DSCAML1: variants seen among roughly 807,000 people sequenced by gnomAD.
DSCAML1 encodes cell adhesion molecule DSCAML1.
A neutral mutation model predicts 200.5 loss-of-function variants in DSCAML1; 38 were observed. The observed-to-expected ratio is 0.19, with a 90% CI of 0.15 to 0.25. DSCAML1 has a LOEUF of 0.25. DSCAML1 is among the 10% of genes least tolerant of loss of function. The probability of loss-of-function intolerance (pLI) is 1.00; values close to 1 mark genes in which losing one functional copy is unlikely to be tolerated. For missense variants in DSCAML1, 2,223 were observed against 2,858.8 expected, an observed-to-expected ratio of 0.78 and a Z score of 5.07; for synonymous variants, 1,215 against 1,165.0, an observed-to-expected ratio of 1.04 and a Z score of -0.87.
chr11:117,728,310 CCT>C (rs1332803889), intron 3 of DSCAML1, among the ~76,000 whole-genome samples: 2 of 152,172 alleles, frequency 1.3e-5, no homozygotes, highest in Non-Finnish European at 2.9e-5. Context: ...CTGTGATAAA[CCT>C]CTAGCTAACA....
At chr11:117,809,152 G>C (rs1263332490) in intron 1 of DSCAML1, among the ~76,000 whole-genome samples, 3 of 152,270 alleles carry the variant, frequency 2.0e-5, no homozygotes, top group Admixed American at 2.0e-4. Context: ...CTCAGATTTA[G>C]GAGAGGCGAC....
At chr11:117,433,551 A>T in intron 27 of DSCAML1, 80 bp from the exon 28 acceptor site, 1 of 1,502,308 alleles carries the variant, frequency 6.7e-7, no homozygotes, top group Non-Finnish European at 9.1e-7. Context: ...CATGGGAAAC[A>T]AGGTGGAGAA....
intron 3 of DSCAML1, among the ~76,000 whole-genome samples, chr11:117,705,242 G>A: frequency 6.6e-6 from 1 of 152,178 alleles, no homozygotes; most frequent in East Asian, 1.9e-4. Flanking sequence ...GGTTACAGAG[G>A]CCGGGTAGTG....
chr11:117,739,168 G>T (rs2054377443), intron 3 of DSCAML1, among the ~76,000 whole-genome samples: 1 of 152,314 alleles, frequency 6.6e-6, no homozygotes, highest in South Asian at 2.1e-4. Flanking sequence ...GAGAAGATAT[G>T]CCTATATTAA....
At chr11:117,476,677 T>C (rs754746550) in intron 14 of DSCAML1, among the ~76,000 whole-genome samples, 3 of 152,220 alleles carry the variant, frequency 2.0e-5, no homozygotes, top group Non-Finnish European at 4.4e-5. Context: ...CGCCATCTGA[T>C]AGATTTGCGT....
chr11:117,684,067 T>A (rs1241649803), intron 3 of DSCAML1, among the ~76,000 whole-genome samples: 1 of 152,104 alleles, frequency 6.6e-6, no homozygotes, highest in Non-Finnish European at 1.5e-5. Context: ...AGGAATAAAC[T>A]CTTAGGAGGA....
chr11:117,797,668 C>G (rs1765912418), upstream of DSCAML1, among the ~76,000 whole-genome samples: 1 of 151,492 alleles, frequency 6.6e-6, no homozygotes, highest in Non-Finnish European at 1.5e-5. Flanking sequence ...GGTGCTACTC[C>G]CCACCCCAAA....
At chr11:117,609,280 C>T (rs1378671116) in intron 3 of DSCAML1, among the ~76,000 whole-genome samples, 2 of 144,290 alleles carry the variant, frequency 1.4e-5, no homozygotes, top group East Asian at 2.1e-4. Context: ...TTACTAGAGA[C>T]GTTGATTTTC....
At chr11:117,624,631 G>A (rs922431065) in intron 3 of DSCAML1, among the ~76,000 whole-genome samples, 1 of 151,966 alleles carries the variant, frequency 6.6e-6, no homozygotes, top group African/African-American at 2.4e-5. Context: ...TCATCACCTG[G>A]CCCTTTAACT....
At chr11:117,565,963 T>TGTCA (rs944820189) in intron 3 of DSCAML1, among the ~76,000 whole-genome samples, 1 of 152,198 alleles carries the variant, frequency 6.6e-6, no homozygotes, top group African/African-American at 2.4e-5. Context: ...CCTCCCTCAC[T>TGTCA]GTCATCTCCG....
At chr11:117,603,644 T>C (rs1338740633) in intron 3 of DSCAML1, among the ~76,000 whole-genome samples, 1 of 152,224 alleles carries the variant, frequency 6.6e-6, no homozygotes, top group African/African-American at 2.4e-5. Context: ...TATAGCAGAA[T>C]TCATTCTGAA....
chr11:117,467,662 C>A (rs1036658747), intron 16 of DSCAML1, among the ~76,000 whole-genome samples: 1 of 152,054 alleles, frequency 6.6e-6, no homozygotes, highest in African/African-American at 2.4e-5. Context: ...CTCTTTGTTG[C>A]TGCTTGAATG....
At chr11:117,735,918 C>A (rs1337953244) in intron 3 of DSCAML1, among the ~76,000 whole-genome samples, 1 of 152,208 alleles carries the variant, frequency 6.6e-6, no homozygotes, top group Non-Finnish European at 1.5e-5. Context: ...GGCAACCATG[C>A]AGAGCCACAG....
intron 8 of DSCAML1, among the ~76,000 whole-genome samples, chr11:117,512,851 C>T (rs1235920538): frequency 6.6e-6 from 1 of 151,836 alleles, no homozygotes; most frequent in Non-Finnish European, 1.5e-5. Context: ...TGCAGAGACA[C>T]TGTCGCTCAG....
intron 1 of DSCAML1, among the ~76,000 whole-genome samples, chr11:117,786,448 A>G (rs1234985943): frequency 6.6e-6 from 1 of 152,188 alleles, no homozygotes. Context: ...GCCTGCCCCC[A>G]GGGTCACCGC....
chr11:117,641,477 C>A (rs1267778738), intron 3 of DSCAML1, among the ~76,000 whole-genome samples: 1 of 152,260 alleles, frequency 6.6e-6, no homozygotes, highest in Non-Finnish European at 1.5e-5. Flanking sequence ...GATGCGCACA[C>A]TGCCTGCACA....
At chr11:117,538,756 C>T (rs1169463316) in intron 3 of DSCAML1, among the ~76,000 whole-genome samples, 1 of 140,146 alleles carries the variant, frequency 7.1e-6, no homozygotes, top group Non-Finnish European at 1.5e-5. Flanking sequence ...CCTGGCTGCT[C>T]TGCTCTCAGG....
intron 3 of DSCAML1, among the ~76,000 whole-genome samples, chr11:117,566,553 G>A (rs12291001): frequency 6.2e-5 from 4 of 64,850 alleles, no homozygotes; most frequent in Admixed American, 4.0e-4. Flanking sequence ...TTTTGCCTTG[G>A]TTTTTTTTTT....
intron 3 of DSCAML1, among the ~76,000 whole-genome samples, chr11:117,765,128 T>C (rs546439090): frequency 2.0e-5 from 3 of 152,336 alleles, no homozygotes; most frequent in Admixed American, 2.0e-4. Context: ...TCACTAAGTG[T>C]GAGAGGAAAC....
Sources: allele counts gnomAD v4.1 joint callset (sites outside exome capture counted in the v4.1 genomes callset), GRCh38; gene constraint gnomAD v4.1.1; transcripts MANE v1.5; gene names NCBI Gene and HGNC (gene_info 2026-07-23, HGNC 2026-07-21).